Variants in SMARCA2 observed in about 807,000 individuals in gnomAD.
SMARCA2 encodes SWI/SNF related BAF chromatin remodeling complex subunit ATPase 2.
A neutral mutation model predicts 199.8 loss-of-function variants in SMARCA2; 61 were observed. That is an observed-to-expected ratio of 0.31 (90% CI 0.25 to 0.38). The LOEUF is 0.38. Among genes scored for constraint, SMARCA2 ranks in the 10% least tolerant of loss-of-function variants. The probability of loss-of-function intolerance (pLI) is 1.00; values close to 1 mark genes in which losing one functional copy is unlikely to be tolerated. For missense variants in SMARCA2, 1,344 were observed against 2,012.2 expected, an observed-to-expected ratio of 0.67 and a Z score of 6.35; for synonymous variants, 935 against 732.0, an observed-to-expected ratio of 1.28 and a Z score of -4.48.
chr9:2,145,735 G>A (rs78627631), intron 27 of SMARCA2, among the ~76,000 whole-genome samples: 4,182 of 152,274 alleles, frequency 0.027, 73 homozygotes, highest in Non-Finnish European at 0.045. Context: ...AGTTGAATTC[G>A]TTCTCAACTG....
intron 6 of SMARCA2, among the ~76,000 whole-genome samples, chr9:2,055,291 T>C (rs1223230754): frequency 6.6e-6 from 1 of 152,246 alleles, no homozygotes; most frequent in African/African-American, 2.4e-5. Context: ...TATCTGCTCT[T>C]GTAGTTTACA....
intron 1 of SMARCA2, chr9:2,015,962 G>C (rs1339474234): frequency 6.6e-6 from 1 of 152,558 alleles, no homozygotes; most frequent in Non-Finnish European, 1.5e-5. Context: ...GGAAGAGTTG[G>C]AAGGGGAACG....
chr9:2,152,973 G>C (rs1331009957), intron 27 of SMARCA2, among the ~76,000 whole-genome samples: 1 of 152,122 alleles, frequency 6.6e-6, no homozygotes, highest in East Asian at 1.9e-4. Flanking sequence ...AATTGGTGAA[G>C]GTGAACTTAC....
intron 30 of SMARCA2, among the ~76,000 whole-genome samples, 163 bp downstream of exon 30, chr9:2,181,839 C>G (rs1827047161): frequency 6.6e-6 from 1 of 152,208 alleles, no homozygotes; most frequent in Non-Finnish European, 1.5e-5. Context: ...GTTACTTAAT[C>G]ATGTTGAGAG....
chr9:2,056,052 A>G lies in SMARCA2; in HGVS notation c.1174-620A>G, dbSNP rs1820340127. Among the ~76,000 whole-genome samples the G allele has an allele frequency of 6.6e-6, 1 of 152,204 alleles. No individual in the cohort carries two copies. Among genetic ancestry groups the G allele is most frequent in the Non-Finnish European group, 1.5e-5 (1 of 68,034 alleles). ...AGTCCCTACCCCCTACCACCACATA[A>G]CATGCAATACAGATAAAAGTATTAC... On this transcript the variant is annotated intron_variant, in intron 6 of 33. Coordinates refer to ENST00000349721, the MANE Select transcript of SMARCA2 (RefSeq NM_003070.5). This position sits in a 1 kb window ranked among gnomAD's most constrained non-coding sequence, Gnocchi z 4.0.
At chr9:2,159,893 C>A in intron 27 of SMARCA2, 1 of 1,611,762 alleles carries the variant, frequency 6.2e-7, no homozygotes, top group Non-Finnish European at 8.5e-7. Flanking sequence ...GATAGCCGGC[C>A]TGCTGATAGT....
intron 24 of SMARCA2, among the ~76,000 whole-genome samples, chr9:2,111,931 C>A (rs3793496): frequency 0.093 from 14,079 of 152,120 alleles, 886 homozygotes; most frequent in East Asian, 0.32. Context: ...ATTAAAGCGA[C>A]TATTAAAATT....
At chr9:2,151,284 C>T (rs1825060831) in intron 27 of SMARCA2, among the ~76,000 whole-genome samples, 1 of 151,490 alleles carries the variant, frequency 6.6e-6, no homozygotes, top group Non-Finnish European at 1.5e-5. Flanking sequence ...AAAAATAGTT[C>T]ATCAGGAGAG....
At chr9:2,114,169 T>G (rs1823122621) in intron 24 of SMARCA2, among the ~76,000 whole-genome samples, 1 of 152,196 alleles carries the variant, frequency 6.6e-6, no homozygotes, top group African/African-American at 2.4e-5. Flanking sequence ...AAAAAGGAAC[T>G]TTAGGGTGTT....
intron 26 of SMARCA2, among the ~76,000 whole-genome samples, chr9:2,121,774 G>A (rs1337052233): frequency 2.6e-5 from 4 of 152,098 alleles, no homozygotes; most frequent in African/African-American, 9.7e-5. Flanking sequence ...TTCAGAAAAA[G>A]TATCTTTTAT....
At chr9:2,160,654 G>C (rs539360223) in intron 27 of SMARCA2, 70 of 698,908 alleles carry the variant, frequency 1.0e-4, no homozygotes, top group African/African-American at 6.3e-4. Context: ...TTTCAGCTAC[G>C]AGAAAGGATT....
At position 2,086,808 on chromosome 9, in the gene SMARCA2, G is replaced by A. The variant is rs373126262; in HGVS notation, c.2527-21G>A. The A allele has an allele frequency of 3.4e-5, 55 of 1,613,474 alleles. No individual in the cohort carries two copies. In the African/African-American group the frequency reaches 4.7e-4, roughly 14 times the overall value. Reference sequence around the variant, plus strand: ...ATTTTCCCTTGCTTACTACACGTCCGTCCTTCCTCTTGTGTTATAGATTCG... The same window carrying A: ...ATTTTCCCTTGCTTACTACACGTCCATCCTTCCTCTTGTGTTATAGATTCG... On this transcript the variant is annotated intron_variant, in intron 17 of 33. Transcript: ENST00000349721. This position sits in a 1 kb window ranked among gnomAD's most constrained non-coding sequence, Gnocchi z 4.3.
At chr9:2,185,815 C>G (rs147827088) in intron 31 of SMARCA2, among the ~76,000 whole-genome samples, 1 of 152,140 alleles carries the variant, frequency 6.6e-6, no homozygotes, top group African/African-American at 2.4e-5. Context: ...TTAAAAAATA[C>G]CATTTTTGTT....
At chr9:2,122,689 T>C (rs1396603626) in intron 26 of SMARCA2, among the ~76,000 whole-genome samples, 1 of 152,252 alleles carries the variant, frequency 6.6e-6, no homozygotes, top group Admixed American at 6.5e-5. Context: ...ATTTACATTT[T>C]ATCAGTTTTA....
intron 27 of SMARCA2, among the ~76,000 whole-genome samples, chr9:2,142,106 A>G (rs1049720639): frequency 6.6e-6 from 1 of 152,124 alleles, no homozygotes; most frequent in Non-Finnish European, 1.5e-5. Flanking sequence ...GTTTCTCGAG[A>G]AGGTAGGGCC....
chr9:2,154,032 G>A (rs186517511), intron 27 of SMARCA2, among the ~76,000 whole-genome samples: 291 of 152,244 alleles, frequency 1.9e-3, no homozygotes, highest in Admixed American at 0.017. Context: ...GGTAGTTAAG[G>A]GTGTGGTTTA....
chr9:2,071,869 A>C (rs1487324577), intron 10 of SMARCA2, among the ~76,000 whole-genome samples: 1 of 152,194 alleles, frequency 6.6e-6, no homozygotes, highest in African/African-American at 2.4e-5. Context: ...GACCTTTTAC[A>C]TTAATGAGGA....
chr9:2,093,769 G>C (rs886886059), intron 19 of SMARCA2, among the ~76,000 whole-genome samples: 11 of 152,188 alleles, frequency 7.2e-5, no homozygotes, highest in Admixed American at 7.2e-4. Context: ...ATGGGCTGGA[G>C]TTGACCAAAA....
intron 15 of SMARCA2, 123 bp from the exon 16 acceptor site, chr9:2,083,224 G>C (rs12551511): frequency 3.9e-6 from 2 of 506,656 alleles, no homozygotes; most frequent in Non-Finnish European, 6.9e-6. Flanking sequence ...ATATCTTGTT[G>C]AGATATGTTA....
Sources: allele counts gnomAD v4.1 joint callset (sites outside exome capture counted in the v4.1 genomes callset), GRCh38; gene constraint gnomAD v4.1.1; non-coding constraint Gnocchi (gnomAD v3.1); transcripts MANE v1.5; gene names NCBI Gene and HGNC (gene_info 2026-07-23, HGNC 2026-07-21).